Variants in GPC6 observed in about 807,000 individuals in gnomAD.
GPC6 encodes the protein glypican-6.
GPC6 carries 14 observed loss-of-function variants against 55.2 expected under a neutral mutation model. That is an observed-to-expected ratio of 0.25 (90% CI 0.17 to 0.40). The LOEUF (loss-of-function observed/expected upper bound fraction) is 0.40, where lower values mean the gene tolerates loss of function less well. GPC6 is among the 10% of genes least tolerant of loss of function. The pLI, the probability that GPC6 is intolerant of heterozygous loss-of-function variation, is 1.00. For missense variants in GPC6, 641 were observed against 708.5 expected (o/e 0.90, Z 1.08); for synonymous variants, 278 against 259.6 (o/e 1.07, Z -0.68).
At position 93,545,441 on chromosome 13, in the gene GPC6, C is replaced by G; in HGVS notation, c.319+20C>G. The stretch of plus-strand genomic sequence containing the variant: ...TTGACGGTAGGTGAAATGGTTTTCA[C>G]TTCAGTTTGTTATAGGTGCACTTTT... On this transcript the variant is annotated intron_variant, in intron 2 of 8. Transcript: ENST00000377047. The G allele has an allele frequency of 6.2e-7, 1 of 1,606,484 alleles. No homozygotes were observed. The highest frequency in any genetic ancestry group is 8.5e-7 in the Non-Finnish European group (1 of 1,173,050).
chr13:94,016,716 T>C (rs1882479429), intron 3 of GPC6, among the ~76,000 whole-genome samples: 1 of 152,236 alleles, frequency 6.6e-6, no homozygotes, highest in Non-Finnish European at 1.5e-5. Flanking sequence ...GGGATGTATT[T>C]CCATTGAATT....
chr13:93,222,729 G>C (rs1875655127), upstream of GPC6, among the ~76,000 whole-genome samples: 1 of 152,140 alleles, frequency 6.6e-6, no homozygotes, highest in Non-Finnish European at 1.5e-5. Flanking sequence ...TATTCATTGA[G>C]TTTGGTGTAT....
chr13:93,828,720 A>G lies in GPC6; in HGVS notation c.320-1434A>G, dbSNP rs1429999775. 2.6e-5 allele frequency among the ~76,000 whole-genome samples: 4 copies of G among 152,284 alleles called. No homozygotes were observed. In the South Asian group the frequency reaches 8.3e-4, roughly 32 times the overall value. ...CAACAGAATGTCTATTTAAAAATATATATATATTTCATAGAAAGGAGGTAA... is the reference window on the plus strand; with the variant it reads ...CAACAGAATGTCTATTTAAAAATATGTATATATTTCATAGAAAGGAGGTAA... On this transcript the variant is annotated intron_variant, in intron 2 of 8. Coordinates refer to ENST00000377047, the MANE Select transcript of GPC6 (RefSeq NM_005708.5).
At chr13:93,752,972 C>G (rs16949187) in intron 2 of GPC6, among the ~76,000 whole-genome samples, 2 of 152,172 alleles carry the variant, frequency 1.3e-5, no homozygotes, top group Admixed American at 1.3e-4. Context: ...TCCTTTCTTT[C>G]ATTCTCAGTC....
intron 1 of GPC6, among the ~76,000 whole-genome samples, chr13:93,358,118 G>A (rs1188439731): frequency 2.0e-5 from 3 of 152,208 alleles, no homozygotes; most frequent in East Asian, 1.9e-4. Flanking sequence ...AGGCCAAGGC[G>A]GGAAGATCAC....
Position 93,588,367 on chromosome 13 carries a change from AGT to A in GPC6, c.319+42979_319+42980del, listed in dbSNP as rs71123497. On this transcript the variant is annotated intron_variant, in intron 2 of 8. Transcript: ENST00000377047. The stretch of plus-strand genomic sequence containing the variant: ...GCTTTTAAAACAAGAGTGGCTATTA[AGT>A]GTGTGTGTGTGTGTGTGTGTGTGTG... Among the ~76,000 whole-genome samples, 1,144 of 150,466 alleles carry A rather than the reference AGT, an allele frequency of 7.6e-3. 16 individuals are homozygous for A. Among genetic ancestry groups the A allele is most frequent in the African/African-American group, 0.023 (945 of 40,958 alleles).
rs1356834476 is a variant in GPC6 at position 93,489,207 on chromosome 13, G to C, written c.161-56056G>C. ...TACATATGGCTAGCCAGTTTTCCCA[G>C]TGACATTTACTAAATACGGAATCCT... On this transcript the variant is annotated intron_variant, in intron 1 of 8. Coordinates refer to ENST00000377047, the MANE Select transcript of GPC6 (RefSeq NM_005708.5). Among the ~76,000 whole-genome samples, 2 of 151,492 alleles carry C rather than the reference G, an allele frequency of 1.3e-5. 1 individual carries two copies. Among genetic ancestry groups the C allele is most frequent in the East Asian group, 4.4e-4 (2 of 4,564 alleles).
At chr13:94,367,887 A>C (rs1879353003) in intron 6 of GPC6, among the ~76,000 whole-genome samples, 1 of 152,096 alleles carries the variant, frequency 6.6e-6, no homozygotes, top group Non-Finnish European at 1.5e-5. Context: ...ACCATGGCTC[A>C]CACCTGTAAT....
chr13:93,759,764 A>T (rs1338965634), intron 2 of GPC6, among the ~76,000 whole-genome samples: 1 of 152,158 alleles, frequency 6.6e-6, no homozygotes, highest in East Asian at 1.9e-4. Context: ...AGACAAGTTC[A>T]AACTAACCCA....
chr13:94,228,163 A>G (rs2139009733), intron 4 of GPC6, among the ~76,000 whole-genome samples: 1 of 152,300 alleles, frequency 6.6e-6, no homozygotes, highest in East Asian at 1.9e-4. Context: ...AGGAGGAGAC[A>G]GTTCTCTTTC....
At chr13:93,853,523 A>C (rs781253892) in intron 3 of GPC6, among the ~76,000 whole-genome samples, 1 of 151,656 alleles carries the variant, frequency 6.6e-6, no homozygotes, top group Non-Finnish European at 1.5e-5. Context: ...ATAATGCCTT[A>C]ATTACTATAT....
chr13:93,923,609 G>T (rs2140347493), intron 3 of GPC6, among the ~76,000 whole-genome samples: 1 of 152,246 alleles, frequency 6.6e-6, no homozygotes, highest in South Asian at 2.1e-4. Flanking sequence ...CAGAATTTGA[G>T]TCTTAATTTG....
chr13:93,805,602 A>G (rs533777186), intron 2 of GPC6, among the ~76,000 whole-genome samples: 15 of 152,198 alleles, frequency 9.9e-5, no homozygotes, highest in Non-Finnish European at 1.8e-4. Context: ...GGCGTGCATT[A>G]TATGTATAAC....
chr13:93,908,959 C>A (rs2140333622), intron 3 of GPC6, among the ~76,000 whole-genome samples: 1 of 152,254 alleles, frequency 6.6e-6, no homozygotes, highest in East Asian at 1.9e-4. Context: ...CCCTTCTCAT[C>A]ACTCTCTAAC....
chr13:93,689,238 AT>A (rs1269968205), intron 2 of GPC6, among the ~76,000 whole-genome samples: 1 of 152,100 alleles, frequency 6.6e-6, no homozygotes, highest in Non-Finnish European at 1.5e-5. Flanking sequence ...TTATTTTTAA[AT>A]AAACAGCTTG....
chr13:94,331,388 G>A (rs1877409820), intron 6 of GPC6, among the ~76,000 whole-genome samples: 1 of 152,070 alleles, frequency 6.6e-6, no homozygotes, highest in African/African-American at 2.4e-5. Context: ...CTGATTTACA[G>A]CAACCCCTAA....
chr13:94,023,313 T>C (rs2138714871), intron 3 of GPC6, among the ~76,000 whole-genome samples: 1 of 152,122 alleles, frequency 6.6e-6, no homozygotes, highest in South Asian at 2.1e-4. Flanking sequence ...GAGTTTTTTT[T>C]TTTAATGTTG....
intron 2 of GPC6, among the ~76,000 whole-genome samples, chr13:93,587,474 G>A (rs1160792663): frequency 6.6e-6 from 1 of 152,100 alleles, no homozygotes; most frequent in Admixed American, 6.5e-5. Flanking sequence ...TTTTTGGTGG[G>A]AAATCACATC....
chr13:94,063,303 G>A (rs1884398904), intron 4 of GPC6, among the ~76,000 whole-genome samples: 1 of 152,142 alleles, frequency 6.6e-6, no homozygotes, highest in Non-Finnish European at 1.5e-5. Context: ...CTTTGTTTGG[G>A]AATCCCTTTG....
Sources: gnomAD v4.1 joint callset for allele counts (sites outside exome capture counted in the v4.1 genomes callset) on GRCh38, gnomAD v4.1.1 for gene constraint, MANE v1.5 for transcripts, NCBI Gene and HGNC (gene_info 2026-07-23, HGNC 2026-07-21) for gene names.